Variants in DDX10 observed in about 807,000 individuals in gnomAD.
DDX10 encodes the protein probable ATP-dependent RNA helicase DDX10.
Under a neutral mutation model 104.3 loss-of-function variants are expected in DDX10, and 74 were observed. The ratio of observed to expected loss-of-function variants is 0.71; its 90% CI spans 0.59 to 0.86. The LOEUF (loss-of-function observed/expected upper bound fraction) is 0.86, where lower values mean the gene tolerates loss of function less well. Ranked by LOEUF, DDX10 falls within the 40% of genes least tolerant of loss-of-function variation. The pLI, the probability that DDX10 is intolerant of heterozygous loss-of-function variation, is 0.00. For synonymous variants in DDX10, 351 were observed against 353.4 expected (o/e 0.99, Z 0.08); for missense variants, 952 against 1,040.0 (o/e 0.92, Z 1.16).
chr11:108,674,295 G>A (rs1433859086), intron 2 of DDX10, among the ~76,000 whole-genome samples: 3 of 150,752 alleles, frequency 2.0e-5, no homozygotes, highest in South Asian at 2.1e-4. Context: ...GTGAGACACC[G>A]TCTCAAAAAA....
intron 13 of DDX10, among the ~76,000 whole-genome samples, chr11:108,800,442 C>CAAAAAAAAAAAA (rs61200843): frequency 2.1e-5 from 2 of 94,410 alleles, no homozygotes; most frequent in Non-Finnish European, 3.9e-5. Flanking sequence ...GAGACTCTTT[C>CAAAAAAAAAAAA]AAAAAAAAAA....
At chr11:108,878,451 C>A (rs1056831380) in intron 16 of DDX10, among the ~76,000 whole-genome samples, 14 of 152,094 alleles carry the variant, frequency 9.2e-5, no homozygotes, top group African/African-American at 3.4e-4. Flanking sequence ...ACTGTTATTT[C>A]CACTGAATTA....
chr11:108,747,014 C>G (rs183959708), intron 13 of DDX10, among the ~76,000 whole-genome samples: 1 of 152,060 alleles, frequency 6.6e-6, no homozygotes, highest in Admixed American at 6.6e-5. Flanking sequence ...ATAGTGTAAA[C>G]AAAGAAAGGC....
chr11:108,785,576 G>A (rs970902180), intron 13 of DDX10, among the ~76,000 whole-genome samples: 1 of 152,040 alleles, frequency 6.6e-6, no homozygotes, highest in Non-Finnish European at 1.5e-5. Context: ...CCTCTCGTCT[G>A]GAGCTCTTTT....
chr11:108,848,720 A>T (rs1022002455), intron 15 of DDX10, among the ~76,000 whole-genome samples: 4 of 152,100 alleles, frequency 2.6e-5, no homozygotes, highest in Admixed American at 2.0e-4. Context: ...ATCTATTTTC[A>T]TGCTTCCTTT....
At chr11:108,876,003 T>C (rs560921656) in intron 16 of DDX10, among the ~76,000 whole-genome samples, 3 of 152,286 alleles carry the variant, frequency 2.0e-5, no homozygotes, top group African/African-American at 7.2e-5. Context: ...GTGAAGAAAA[T>C]AGAACCTTGG....
chr11:108,858,859 G>T (rs1245339770), intron 16 of DDX10, among the ~76,000 whole-genome samples: 1 of 152,120 alleles, frequency 6.6e-6, no homozygotes, highest in African/African-American at 2.4e-5. Flanking sequence ...ATACTCTAGG[G>T]TAATTTGATA....
At chr11:108,679,247 A>G in intron 5 of DDX10, 124 bp from the exon 6 acceptor site, 1 of 778,092 alleles carries the variant, frequency 1.3e-6, no homozygotes, top group Non-Finnish European at 2.0e-6. Context: ...GACTTTATTC[A>G]GGTTTTACCA....
At chr11:108,878,645 G>A (rs1315031310) in intron 16 of DDX10, among the ~76,000 whole-genome samples, 1 of 152,026 alleles carries the variant, frequency 6.6e-6, no homozygotes, top group African/African-American at 2.4e-5. Flanking sequence ...TTTTTGACAT[G>A]TTATCATGGG....
chr11:108,675,215 T>C (rs1404225026), intron 2 of DDX10, among the ~76,000 whole-genome samples: 1 of 152,146 alleles, frequency 6.6e-6, no homozygotes, highest in Non-Finnish European at 1.5e-5. Flanking sequence ...AATGCTGCAA[T>C]GAACATGTGA....
intron 16 of DDX10, among the ~76,000 whole-genome samples, chr11:108,891,852 G>A (rs1334055280): frequency 2.0e-5 from 3 of 151,740 alleles, no homozygotes; most frequent in African/African-American, 7.3e-5. Context: ...GGAGGGCACC[G>A]GGAAGAGTGA....
intron 16 of DDX10, among the ~76,000 whole-genome samples, chr11:108,894,283 C>A (rs1431147580): frequency 6.6e-6 from 1 of 151,950 alleles, no homozygotes; most frequent in East Asian, 1.9e-4. Flanking sequence ...TACCTTTATG[C>A]ATTCTCATTG....
intron 13 of DDX10, among the ~76,000 whole-genome samples, chr11:108,781,552 C>A (rs1013091345): frequency 2.6e-5 from 4 of 152,130 alleles, no homozygotes; most frequent in South Asian, 4.1e-4. Flanking sequence ...TTCCTATCAA[C>A]CCCTTCCTTT....
intron 14 of DDX10, among the ~76,000 whole-genome samples, 184 bp from the exon 15 acceptor site, chr11:108,841,131 A>G (rs1862631117): frequency 6.6e-6 from 1 of 152,222 alleles, no homozygotes; most frequent in African/African-American, 2.4e-5. Context: ...TGGCAGTGTT[A>G]CTTTACTCTG....
chr11:108,926,531 T>A (rs1863911518), intron 17 of DDX10, among the ~76,000 whole-genome samples: 1 of 152,230 alleles, frequency 6.6e-6, no homozygotes, highest in Admixed American at 6.5e-5. Flanking sequence ...GTTATGTTTA[T>A]AATGAACTCT....
At chr11:108,677,320 G>T (rs1325619505) in intron 4 of DDX10, 77 bp downstream of exon 4, 8 of 1,341,448 alleles carry the variant, frequency 6.0e-6, no homozygotes, top group Non-Finnish European at 8.3e-6. Flanking sequence ...CAGGGAGGCA[G>T]CAGAGACTTC....
At chr11:108,703,444 C>A (rs2094271404) in intron 9 of DDX10, among the ~76,000 whole-genome samples, 1 of 151,994 alleles carries the variant, frequency 6.6e-6, no homozygotes, top group Non-Finnish European at 1.5e-5. Flanking sequence ...ATTCTCCTGC[C>A]TTGGCCTCTC....
At chr11:108,665,474 C>G in intron 1 of DDX10, 135 bp downstream of exon 1, 1 of 1,029,694 alleles carries the variant, frequency 9.7e-7, no homozygotes, top group Non-Finnish European at 1.4e-6. Context: ...ACGCCGGGTG[C>G]CACAGCTCAA....
At chr11:108,927,934 C>T (rs1863929170) in intron 17 of DDX10, among the ~76,000 whole-genome samples, 1 of 152,214 alleles carries the variant, frequency 6.6e-6, no homozygotes, top group Non-Finnish European at 1.5e-5. Context: ...CCACCGTGCC[C>T]AGCTGGAACA....
Sources: allele counts gnomAD v4.1 joint callset (sites outside exome capture counted in the v4.1 genomes callset), GRCh38; gene constraint gnomAD v4.1.1; transcripts MANE v1.5; gene names NCBI Gene and HGNC (gene_info 2026-07-23, HGNC 2026-07-21).